PXDN: variants seen among roughly 807,000 people sequenced by gnomAD.
PXDN encodes the protein peroxidasin.
In PXDN, 77 loss-of-function variants were observed where a neutral mutation model predicts 140.3. The ratio of observed to expected loss-of-function variants is 0.55; its 90% confidence interval spans 0.46 to 0.66. The LOEUF (loss-of-function observed/expected upper bound fraction) is 0.66, where lower values mean the gene tolerates loss of function less well. Among genes scored for constraint, PXDN ranks in the 30% least tolerant of loss-of-function variants. PXDN has a pLI of 0.00. For synonymous variants in PXDN, 911 were observed against 857.4 expected, an observed-to-expected ratio of 1.06 and a Z score of -1.09; for missense variants, 1,838 against 2,039.5, an observed-to-expected ratio of 0.90 and a Z score of 1.90.
intron 14 of PXDN, among the ~76,000 whole-genome samples, chr2:1,658,423 TC>T (rs1286138328): frequency 6.6e-6 from 1 of 151,540 alleles, no homozygotes; most frequent in African/African-American, 2.4e-5. Context: ...AGCCCAGCAG[TC>T]CCCCCACAGT....
At chr2:1,683,077 AGAC>A (rs1683952900) in intron 6 of PXDN, among the ~76,000 whole-genome samples, 1 of 151,968 alleles carries the variant, frequency 6.6e-6, no homozygotes, top group South Asian at 2.1e-4. Flanking sequence ...ATGAATTTAA[AGAC>A]GATTTAAATC....
Position 1,687,148 on chromosome 2 carries a change from G to T in PXDN, c.416+484C>A, listed in dbSNP as rs1684079122. Reference sequence around the variant, plus strand: ...TAACTAGAACTACAAGGGAAAGAAAGGTTTTCTCCAAAATAATGTCACCAC... The same window carrying T: ...TAACTAGAACTACAAGGGAAAGAAATGTTTTCTCCAAAATAATGTCACCAC... On this transcript the variant is annotated intron_variant, in intron 4 of 22. Coordinates refer to ENST00000252804, the MANE Select transcript of PXDN (RefSeq NM_012293.3). This position sits in a 1 kb window ranked among gnomAD's most constrained non-coding sequence, Gnocchi z 4.0. Among the ~76,000 whole-genome samples, 1 of 152,206 alleles carries T rather than the reference G, an allele frequency of 6.6e-6. No homozygotes were observed. The highest frequency in any genetic ancestry group is 1.5e-5 in the Non-Finnish European group (1 of 68,036).
At chr2:1,708,487 A>G (rs1190307119) in intron 1 of PXDN, among the ~76,000 whole-genome samples, 1 of 152,170 alleles carries the variant, frequency 6.6e-6, no homozygotes, top group East Asian at 1.9e-4. Context: ...TAGAATGACA[A>G]AAGTCATAAG....
intron 1 of PXDN, among the ~76,000 whole-genome samples, chr2:1,700,309 G>A (rs943189115): frequency 1.3e-5 from 2 of 152,058 alleles, no homozygotes; most frequent in South Asian, 2.1e-4. Flanking sequence ...TGATCTACCC[G>A]CCTCAGGCTC....
intron 1 of PXDN, among the ~76,000 whole-genome samples, chr2:1,718,362 C>T (rs1684941610): frequency 6.6e-6 from 1 of 152,170 alleles, no homozygotes. Context: ...ACTCTATTAA[C>T]CTACTCTACT....
At chr2:1,642,464 C>T (rs534777006) in intron 19 of PXDN, among the ~76,000 whole-genome samples, 1 of 152,326 alleles carries the variant, frequency 6.6e-6, no homozygotes, top group African/African-American at 2.4e-5. Flanking sequence ...ACAGACACCA[C>T]AAGCTCCACA....
chr2:1,701,714 G>C (rs1031658711), intron 1 of PXDN, among the ~76,000 whole-genome samples: 1 of 152,170 alleles, frequency 6.6e-6, no homozygotes, highest in Non-Finnish European at 1.5e-5. Context: ...CTGAGCGTTC[G>C]CACCCCGTCA....
intron 1 of PXDN, among the ~76,000 whole-genome samples, chr2:1,723,857 A>G (rs1685112031): frequency 3.3e-5 from 5 of 152,222 alleles, no homozygotes. Context: ...CCATGCCAAT[A>G]CAAACATCCC....
Position 1,673,640 on chromosome 2 carries a change from T to C in PXDN, c.1018+3A>G. 1 of 1,606,676 alleles carries C rather than the reference T, an allele frequency of 6.2e-7. No individual in the cohort carries two copies. ...ACCCCGGTGTGAAATGCCCGCCACA[T>C]ACCTGGAGACCCGAAGTACCTGAGG... On this transcript the variant is annotated splice_donor_region_variant and intron_variant, in intron 9 of 22. Transcript: ENST00000252804.
At position 1,663,782 on chromosome 2, in the gene PXDN, G is replaced by A. The variant is rs752440458; in HGVS notation, c.1409-19C>T. The A allele has an allele frequency of 2.2e-5, 35 of 1,608,894 alleles. No homozygotes were observed. Among genetic ancestry groups the A allele is most frequent in the African/African-American group, 1.1e-4 (8 of 74,900 alleles). Reference sequence around the variant, plus strand: ...TGGCTCCCTGCAAGGGCATGGGCCCGTTACACTGGACACTCGGACGCATGG... The same window carrying A: ...TGGCTCCCTGCAAGGGCATGGGCCCATTACACTGGACACTCGGACGCATGG... On this transcript the variant is annotated intron_variant, in intron 11 of 22. Transcript: ENST00000252804.
intron 3 of PXDN, among the ~76,000 whole-genome samples, chr2:1,690,046 A>C (rs1183621343): frequency 2.0e-5 from 3 of 152,238 alleles, no homozygotes; most frequent in Non-Finnish European, 4.4e-5. Context: ...AGAGCTCTTA[A>C]GCATATAGGT....
At chr2:1,731,145 C>T (rs796251393) in intron 1 of PXDN, among the ~76,000 whole-genome samples, 21 of 54,772 alleles carry the variant, frequency 3.8e-4, no homozygotes, top group African/African-American at 1.4e-3. Flanking sequence ...CTGTTGAGAG[C>T]GCGCGCGCAC....
chr2:1,680,419 T>C lies in PXDN; in HGVS notation c.561-57A>G, dbSNP rs557672920. Reference sequence around the variant, plus strand: ...TGGGGTGGCTGGGCTTGTCCATCCATCCATCAGACAGGGCTTCCAGGTCCC... The same window carrying C: ...TGGGGTGGCTGGGCTTGTCCATCCACCCATCAGACAGGGCTTCCAGGTCCC... On this transcript the variant is annotated intron_variant, in intron 6 of 22. Transcript: ENST00000252804. The C allele has an allele frequency of 2.9e-5, 46 of 1,589,864 alleles. No homozygotes were observed. In the African/African-American group the frequency reaches 4.0e-4, roughly 14 times the overall value.
chr2:1,697,713 C>G (rs1412314694), intron 1 of PXDN, among the ~76,000 whole-genome samples: 2 of 152,202 alleles, frequency 1.3e-5, no homozygotes, highest in African/African-American at 2.4e-5. Flanking sequence ...CCCCGTCCTC[C>G]TGCAGTGACG....
At chr2:1,710,854 C>T (rs1684750163) in intron 1 of PXDN, among the ~76,000 whole-genome samples, 1 of 104,496 alleles carries the variant, frequency 9.6e-6, no homozygotes, top group Non-Finnish European at 1.9e-5. Context: ...CACCAGCACC[C>T]ACTCCACCAG....
chr2:1,634,831 G>A (rs919669678), intron 22 of PXDN, among the ~76,000 whole-genome samples: 3 of 152,184 alleles, frequency 2.0e-5, no homozygotes, highest in East Asian at 1.9e-4. Flanking sequence ...GGGCTGGCGC[G>A]CTGTCCTCCC....
Position 1,643,348 on chromosome 2 carries a change from AT to A in PXDN, c.3952+19del. 3 of 1,608,358 alleles carry A rather than the reference AT, an allele frequency of 1.9e-6. No individual in the cohort carries two copies. In the South Asian group the frequency reaches 3.3e-5, roughly 18 times the overall value. ...AACCAGGGATGAAAAAGGAACAGAC[AT>A]GGTGCCCCTGGCACGCACCTTCACA... On this transcript the variant is annotated intron_variant, in intron 19 of 22. Transcript: ENST00000252804.
intron 8 of PXDN, 28 bp downstream of exon 8, chr2:1,676,899 G>T: frequency 6.3e-7 from 1 of 1,583,678 alleles, no homozygotes; most frequent in Non-Finnish European, 8.6e-7. Flanking sequence ...GAGATGCACA[G>T]GGGCATTTCT....
At position 1,727,404 on chromosome 2, in the gene PXDN, T is replaced by C. The variant is rs536152392; in HGVS notation, c.200+16852A>G. Among the ~76,000 whole-genome samples the C allele has an allele frequency of 2.8e-3, 421 of 152,384 alleles. 4 individuals are homozygous for C. Among genetic ancestry groups the C allele is most frequent in the African/African-American group, 9.6e-3 (398 of 41,608 alleles). On this transcript the variant is annotated intron_variant, in intron 1 of 22. Coordinates refer to ENST00000252804, the MANE Select transcript of PXDN (RefSeq NM_012293.3). The stretch of plus-strand genomic sequence containing the variant: ...TCCATTGCAAGAGCAGCTACTGTGC[T>C]TGGCTGTGCGCTAGGAGGTTTGCAC...
Sources: allele counts gnomAD v4.1 joint callset (sites outside exome capture counted in the v4.1 genomes callset), GRCh38; gene constraint gnomAD v4.1.1; non-coding constraint Gnocchi (gnomAD v3.1); transcripts MANE v1.5; gene names NCBI Gene and HGNC (gene_info 2026-07-23, HGNC 2026-07-21).